The following CEP63 variants were observed in gnomAD, a reference collection of about 807,000 sequenced individuals.
The protein encoded by CEP63 is centrosomal protein 63, also known as centrosomal protein of 63 kDa.
Under a neutral mutation model 89.1 loss-of-function variants are expected in CEP63, and 84 were observed. The observed-to-expected ratio is 0.94, with a 90% CI of 0.79 to 1.13. CEP63 has a LOEUF of 1.13. CEP63 is among the 50% of genes most tolerant of loss of function. The pLI is 0.00. For synonymous variants in CEP63, 267 were observed against 272.5 expected, an observed-to-expected ratio of 0.98 and a Z score of 0.20; for missense variants, 838 against 813.3, an observed-to-expected ratio of 1.03 and a Z score of -0.37.
the CEP63 span, among the ~76,000 whole-genome samples, chr3:134,692,184 T>C: frequency 2.6e-5 from 4 of 152,160 alleles, no homozygotes; most frequent in Non-Finnish European, 5.9e-5. Context: ...TATGTATACA[T>C]GTGCCATGTT....
chr3:134,589,322 T>C (rs1016349625), downstream of CEP63, among the ~76,000 whole-genome samples: 10 of 152,176 alleles, frequency 6.6e-5, no homozygotes, highest in African/African-American at 1.9e-4. Context: ...TCAAATGATA[T>C]ATAAGAAGTG....
At chr3:134,656,207 A>T in the CEP63 span, among the ~76,000 whole-genome samples, 1 of 152,196 alleles carries the variant, frequency 6.6e-6, no homozygotes, top group Non-Finnish European at 1.5e-5. Context: ...CTACATCCCC[A>T]AACAGTGTCC....
At chr3:134,762,402 TG>T in the CEP63 span, among the ~76,000 whole-genome samples, 1 of 152,138 alleles carries the variant, frequency 6.6e-6, no homozygotes, top group Admixed American at 6.5e-5. Flanking sequence ...TGAGTGGGGC[TG>T]GGGGACATTA....
At chr3:134,573,648 C>T (rs1958108519) in intron 11 of CEP63, among the ~76,000 whole-genome samples, 1 of 152,150 alleles carries the variant, frequency 6.6e-6, no homozygotes, top group Admixed American at 6.5e-5. Flanking sequence ...GTTTTGGTTA[C>T]TGTAGCCTTG....
chr3:134,738,249 TACACACACAC>T, the CEP63 span, among the ~76,000 whole-genome samples: 68,638 of 145,578 alleles, frequency 0.47, 17,971 homozygotes, highest in East Asian at 0.64. Flanking sequence ...TATTCCATCA[TACACACACAC>T]ACACACACAC....
At chr3:134,485,991 G>GCGCCCCCCCCCC, upstream of CEP63, 1 of 938,168 alleles carries the variant, frequency 1.1e-6, no homozygotes, top group Non-Finnish European at 1.3e-6. Flanking sequence ...CTCCTGCCAC[G>GCGCCCCCCCCCC]CCCCCCCCCC....
chr3:134,727,924 G>T, the CEP63 span, among the ~76,000 whole-genome samples: 1 of 152,026 alleles, frequency 6.6e-6, no homozygotes, highest in Non-Finnish European at 1.5e-5. Context: ...CTTCCCTACA[G>T]ATCTAAAAAA....
At chr3:134,687,298 T>G in the CEP63 span, among the ~76,000 whole-genome samples, 2 of 152,242 alleles carry the variant, frequency 1.3e-5, no homozygotes, top group African/African-American at 4.8e-5. Context: ...AGGTTACTAC[T>G]ACCCCCTCTC....
At chr3:134,738,766 A>G in the CEP63 span, among the ~76,000 whole-genome samples, 1 of 152,164 alleles carries the variant, frequency 6.6e-6, no homozygotes, top group Non-Finnish European at 1.5e-5. Context: ...TAACTAATGG[A>G]AAAAAAGAAT....
chr3:134,703,514 C>G, the CEP63 span, among the ~76,000 whole-genome samples: 3 of 151,982 alleles, frequency 2.0e-5, no homozygotes, highest in African/African-American at 7.3e-5. Flanking sequence ...CCTTAGTAAA[C>G]TAATGCAGGA....
chr3:134,582,318 A>G (rs936649591), intron 10 of CEP63, among the ~76,000 whole-genome samples: 2 of 152,024 alleles, frequency 1.3e-5, no homozygotes, highest in Admixed American at 6.6e-5. Context: ...TCCTAATGCT[A>G]TCCCTCCCCC....
intron 5 of CEP63, chr3:134,535,943 T>C (rs1950690838): frequency 6.6e-6 from 1 of 152,236 alleles, no homozygotes; most frequent in South Asian, 2.1e-4. Flanking sequence ...TTCCCAGTTA[T>C]CTCTCTTACC....
chr3:134,578,490 C>G (rs1352517475), downstream of CEP63, among the ~76,000 whole-genome samples: 4 of 152,020 alleles, frequency 2.6e-5, no homozygotes, highest in African/African-American at 9.7e-5. Flanking sequence ...ACCACCATGC[C>G]TGGCTAATTT....
chr3:134,630,526 AGAG>A, the CEP63 span, among the ~76,000 whole-genome samples: 1 of 152,220 alleles, frequency 6.6e-6, no homozygotes, highest in Non-Finnish European at 1.5e-5. Flanking sequence ...TGGGTCATGA[AGAG>A]GAGGGAGCTC....
intron 10 of CEP63, among the ~76,000 whole-genome samples, chr3:134,586,553 A>G (rs112810639): frequency 0.018 from 2,731 of 152,302 alleles, 66 homozygotes; most frequent in African/African-American, 0.053. Context: ...GTTTTTGCTG[A>G]GAGATCTGCT....
intron 2 of CEP63, among the ~76,000 whole-genome samples, chr3:134,495,861 C>T (rs770357968): frequency 3.3e-5 from 5 of 152,182 alleles, no homozygotes; most frequent in Non-Finnish European, 5.9e-5. Flanking sequence ...TTTCACTTAA[C>T]GACCACCAGT....
the CEP63 span, chr3:134,639,799 A>AT: frequency 6.6e-6 from 1 of 151,538 alleles, no homozygotes. Context: ...CGAAAAAAAA[A>AT]AAACCAGCCA....
At chr3:134,772,169 G>C in the CEP63 span, among the ~76,000 whole-genome samples, 1 of 152,202 alleles carries the variant, frequency 6.6e-6, no homozygotes, top group Middle Eastern at 3.2e-3. Flanking sequence ...AGTCTTGGCT[G>C]CCCCATTGCC....
the CEP63 span, chr3:134,607,308 A>G: frequency 1.0e-6 from 1 of 985,514 alleles, no homozygotes; most frequent in Non-Finnish European, 1.2e-6. Context: ...AAAGGAAGTC[A>G]TTGTGTGGTG....
Sources: gnomAD v4.1 joint callset for allele counts (sites outside exome capture counted in the v4.1 genomes callset) on GRCh38, gnomAD v4.1.1 for gene constraint, MANE v1.5 for transcripts, NCBI Gene and HGNC (gene_info 2026-07-23, HGNC 2026-07-21) for gene names.